Variants in B4GALT5 observed in about 807,000 individuals in gnomAD.
B4GALT5 encodes the protein beta-1,4-galactosyltransferase 5, also known as UDP-Gal:beta-GlcNAc beta-1,4-galactosyltransferase 5.
In B4GALT5, 11 loss-of-function variants were observed where a neutral mutation model predicts 45.0. The ratio of observed to expected loss-of-function variants is 0.24; its 90% CI spans 0.15 to 0.40. The LOEUF is 0.40. Ranked by LOEUF, B4GALT5 falls within the 10% of genes least tolerant of loss-of-function variation. The pLI is 1.00. For missense variants in B4GALT5, 337 were observed against 500.2 expected (o/e 0.67, Z 3.11); for synonymous variants, 185 against 182.9 (o/e 1.01, Z -0.09).
At chr20:49,637,964 T>A (rs1459465760) in intron 7 of B4GALT5, among the ~76,000 whole-genome samples, 2 of 151,698 alleles carry the variant, frequency 1.3e-5, no homozygotes, top group Admixed American at 1.3e-4. Flanking sequence ...AAATGGTTAC[T>A]TCCAGGGAAT....
intron 1 of B4GALT5, among the ~76,000 whole-genome samples, chr20:49,695,664 G>A (rs773445497): frequency 3.3e-5 from 5 of 152,212 alleles, no homozygotes; most frequent in Non-Finnish European, 5.9e-5. Flanking sequence ...GCCTCCCAAA[G>A]TGCTAGGATT....
chr20:49,692,154 G>GT lies in B4GALT5; in HGVS notation c.115+21421dup, dbSNP rs148782228. On this transcript the variant is annotated intron_variant, in intron 1 of 8. Coordinates refer to ENST00000371711, the MANE Select transcript of B4GALT5 (RefSeq NM_004776.4). Reference sequence around the variant, plus strand: ...TATCTTCAGAGTATTCTCACCTACTGTTTTTTTTTTAATGTATTCACTGTA... The same window carrying GT: ...TATCTTCAGAGTATTCTCACCTACTGTTTTTTTTTTTAATGTATTCACTGTA... Among the ~76,000 whole-genome samples the GT allele has an allele frequency of 3.7e-4, 55 of 147,942 alleles. No homozygotes were observed. In the Middle Eastern group the frequency reaches 0.014, roughly 38 times the overall value.
intron 1 of B4GALT5, among the ~76,000 whole-genome samples, chr20:49,674,081 CAAAAAAAAAAAAA>C (rs34718276): frequency 2.1e-5 from 2 of 94,536 alleles, no homozygotes; most frequent in Non-Finnish European, 4.4e-5. Context: ...ATTAAAAATA[CAAAAAAAAAAAAA>C]AAAAAAAAAA....
intron 1 of B4GALT5, among the ~76,000 whole-genome samples, chr20:49,682,986 T>C (rs2085770301): frequency 6.6e-6 from 1 of 151,952 alleles, no homozygotes; most frequent in East Asian, 1.9e-4. Flanking sequence ...CCCAGCCAGT[T>C]GGGAGGCTGA....
chr20:49,702,412 TA>T (rs1304760129), intron 1 of B4GALT5, among the ~76,000 whole-genome samples: 1 of 152,146 alleles, frequency 6.6e-6, no homozygotes, highest in Non-Finnish European at 1.5e-5. Flanking sequence ...TTTAAAAGCA[TA>T]AACAAAAAAT....
At chr20:49,672,117 ACT>A (rs1480056255) in intron 1 of B4GALT5, among the ~76,000 whole-genome samples, 1 of 152,044 alleles carries the variant, frequency 6.6e-6, no homozygotes, top group Non-Finnish European at 1.5e-5. Context: ...TCTTCCACAT[ACT>A]GTTCTTTGGT....
chr20:49,675,954 T>C (rs528435752), intron 1 of B4GALT5, among the ~76,000 whole-genome samples: 2 of 152,292 alleles, frequency 1.3e-5, no homozygotes, highest in South Asian at 2.1e-4. Flanking sequence ...CACTAAAATA[T>C]ACCTAATTGT....
chr20:49,690,762 G>A (rs2085807320), intron 1 of B4GALT5, among the ~76,000 whole-genome samples: 1 of 152,132 alleles, frequency 6.6e-6, no homozygotes, highest in Non-Finnish European at 1.5e-5. Context: ...CGATTGATAT[G>A]TTCAACACAA....
In B4GALT5 at chr20:49,713,628, G is replaced by T. The variant is rs1351072331; in HGVS notation, c.63C>A (p.Phe21Leu). 1 of 1,586,258 alleles carries T rather than the reference G, an allele frequency of 6.3e-7. No homozygotes were observed. Among genetic ancestry groups the T allele is most frequent in the South Asian group, 1.1e-5 (1 of 88,316 alleles). The change falls in exon 1 of 9, where the codon TTC becomes TTA. Residue 21 changes from phenylalanine (F) to leucine (L), a missense_variant. Phe to Leu is a conservative substitution (Grantham distance 22, BLOSUM62 0). This residue lies in a region of B4GALT5 where 174 missense variants were observed against 207.4 expected (regional missense o/e 0.84). Coordinates refer to ENST00000371711, the MANE Select transcript of B4GALT5 (RefSeq NM_004776.4). ...ACAGCAGCGAGGACGAGAGAGAAAA[G>T]AAGAAGAGCGCGGCGAGCAGCGAGC... ...PRRSLLAALF[F>L]FSLSSSLLYF... is the part of the protein sequence containing the mutation.
chr20:49,660,864 G>A (rs558487788), intron 1 of B4GALT5, among the ~76,000 whole-genome samples: 7 of 152,160 alleles, frequency 4.6e-5, no homozygotes, highest in Non-Finnish European at 8.8e-5. Flanking sequence ...GGTAGTGTGC[G>A]CCTGTAGTCC....
chr20:49,692,006 T>C (rs1372501723), intron 1 of B4GALT5, among the ~76,000 whole-genome samples: 2 of 152,168 alleles, frequency 1.3e-5, no homozygotes, highest in African/African-American at 2.4e-5. Flanking sequence ...CAAAGGTACA[T>C]ATAACCTGAT....
intron 1 of B4GALT5, among the ~76,000 whole-genome samples, chr20:49,666,867 C>A (rs1444767735): frequency 1.3e-5 from 2 of 152,196 alleles, no homozygotes; most frequent in African/African-American, 4.8e-5. Context: ...CACTGCTCTG[C>A]ACAACAGGTA....
At chr20:49,690,647 A>G (rs2146354256) in intron 1 of B4GALT5, among the ~76,000 whole-genome samples, 1 of 152,306 alleles carries the variant, frequency 6.6e-6, no homozygotes, top group South Asian at 2.1e-4. Context: ...AAAAAGTTGC[A>G]AAAAAGTTAT....
intron 1 of B4GALT5, among the ~76,000 whole-genome samples, chr20:49,679,576 T>C (rs2146348215): frequency 6.6e-6 from 1 of 151,382 alleles, no homozygotes; most frequent in East Asian, 1.9e-4. Flanking sequence ...CTCAGGAGGC[T>C]GAGGCAGGAG....
At chr20:49,657,476 A>C (rs949743734) in intron 1 of B4GALT5, among the ~76,000 whole-genome samples, 12 of 152,238 alleles carry the variant, frequency 7.9e-5, no homozygotes, top group Non-Finnish European at 2.9e-5. Flanking sequence ...GTCAAAATGT[A>C]ATCCCTATAT....
intron 1 of B4GALT5, among the ~76,000 whole-genome samples, chr20:49,711,944 A>G (rs2085914172): frequency 6.6e-6 from 1 of 152,176 alleles, no homozygotes; most frequent in Non-Finnish European, 1.5e-5. Flanking sequence ...TACAATCCTA[A>G]AAGGCATTTC....
intron 7 of B4GALT5, 49 bp downstream of exon 7, chr20:49,639,629 C>T (rs963902483): frequency 3.7e-6 from 6 of 1,603,900 alleles, no homozygotes; most frequent in Admixed American, 1.7e-5. Flanking sequence ...TATTGGTCTG[C>T]AGTCTAAGGT....
intron 1 of B4GALT5, among the ~76,000 whole-genome samples, chr20:49,697,438 G>A (rs1337134645): frequency 1.3e-5 from 2 of 152,228 alleles, no homozygotes; most frequent in Non-Finnish European, 2.9e-5. Context: ...AAACGTCACT[G>A]TGATCAATGG....
chr20:49,673,107 C>T (rs1392457744), intron 1 of B4GALT5, among the ~76,000 whole-genome samples: 1 of 152,248 alleles, frequency 6.6e-6, no homozygotes, highest in East Asian at 1.9e-4. Context: ...ATTGGCCAGG[C>T]GCAGTGGCTC....
Sources: gnomAD v4.1 joint callset for allele counts (sites outside exome capture counted in the v4.1 genomes callset) on GRCh38, gnomAD v4.1.1 for gene constraint, gnomAD v4.1.1 regional missense constraint, MANE v1.5 for transcripts, NCBI Gene and HGNC (gene_info 2026-07-23, HGNC 2026-07-21) for gene names.